ARSB: variants seen among roughly 807,000 people sequenced by gnomAD.
The protein encoded by ARSB is arylsulfatase B.
In ARSB, 41 loss-of-function variants were observed where a neutral mutation model predicts 50.9. The observed-to-expected ratio is 0.81, with a 90% confidence interval of 0.63 to 1.04. The LOEUF (loss-of-function observed/expected upper bound fraction) is 1.04. Among genes scored for constraint, ARSB ranks in the 50% least tolerant of loss-of-function variants. The probability of loss-of-function intolerance (pLI) is 0.00; values close to 1 mark genes in which losing one functional copy is unlikely to be tolerated. For synonymous variants in ARSB, 269 were observed against 284.8 expected, an observed-to-expected ratio of 0.94 and a Z score of 0.56; for missense variants, 672 against 693.3, an observed-to-expected ratio of 0.97 and a Z score of 0.35.
chr5:78,837,670 A>C (rs1745010130), intron 6 of ARSB, among the ~76,000 whole-genome samples: 1 of 152,240 alleles, frequency 6.6e-6, no homozygotes, highest in East Asian at 1.9e-4. Context: ...TCCTTTCAAC[A>C]AATAATAAAT....
At chr5:78,967,812 A>G (rs1752268146) in intron 2 of ARSB, among the ~76,000 whole-genome samples, 1 of 152,140 alleles carries the variant, frequency 6.6e-6, no homozygotes, top group South Asian at 2.1e-4. Context: ...TCCTGTTTAA[A>G]CTTTCTATGT....
chr5:78,900,548 T>C (rs1042672754), intron 4 of ARSB, among the ~76,000 whole-genome samples: 1 of 152,190 alleles, frequency 6.6e-6, no homozygotes, highest in African/African-American at 2.4e-5. Flanking sequence ...TCCAATCATA[T>C]GCTCAAGGTT....
chr5:78,838,705 G>A (rs1459374844), intron 6 of ARSB, among the ~76,000 whole-genome samples: 1 of 152,224 alleles, frequency 6.6e-6, no homozygotes, highest in Non-Finnish European at 1.5e-5. Flanking sequence ...TCACTATGCT[G>A]AGGGCATTAG....
chr5:78,983,266 C>T (rs1752995853), intron 1 of ARSB, among the ~76,000 whole-genome samples: 1 of 152,106 alleles, frequency 6.6e-6, no homozygotes, highest in Non-Finnish European at 1.5e-5. Context: ...GTTGGTCAGG[C>T]TGGTCTCGAA....
At chr5:78,872,494 T>G (rs376979285) in intron 5 of ARSB, among the ~76,000 whole-genome samples, 24,991 of 126,274 alleles carry the variant, frequency 0.2, 2,720 homozygotes, top group Admixed American at 0.26. Context: ...CCATAAAAAA[T>G]GATGAGTTCA....
chr5:78,903,961 A>G (rs1044491367), intron 4 of ARSB, among the ~76,000 whole-genome samples: 1 of 152,244 alleles, frequency 6.6e-6, no homozygotes, highest in African/African-American at 2.4e-5. Context: ...ACATTCTATC[A>G]CTGTGATATA....
At chr5:78,863,925 G>A (rs1046369662) in intron 5 of ARSB, among the ~76,000 whole-genome samples, 10 of 151,800 alleles carry the variant, frequency 6.6e-5, no homozygotes, top group African/African-American at 2.4e-4. Flanking sequence ...TGAATTTTTA[G>A]ATTTTCATAG....
At chr5:78,881,155 C>A (rs1463695892) in intron 5 of ARSB, among the ~76,000 whole-genome samples, 1 of 151,880 alleles carries the variant, frequency 6.6e-6, no homozygotes, top group East Asian at 1.9e-4. Context: ...CCGCTTGAAC[C>A]CAGGAGGCAG....
chr5:78,897,124 G>A (rs1289323820), intron 4 of ARSB, among the ~76,000 whole-genome samples: 1 of 151,986 alleles, frequency 6.6e-6, no homozygotes, highest in Admixed American at 6.6e-5. Context: ...TTAAAACCAC[G>A]CAAAAAATAC....
chr5:78,848,786 A>G (rs1171160048), intron 5 of ARSB, among the ~76,000 whole-genome samples: 1 of 152,084 alleles, frequency 6.6e-6, no homozygotes, highest in East Asian at 1.9e-4. Context: ...ACGGTATCTC[A>G]TTGTGGTTTT....
At chr5:78,849,257 G>A (rs1288870448) in intron 5 of ARSB, among the ~76,000 whole-genome samples, 1 of 152,024 alleles carries the variant, frequency 6.6e-6, no homozygotes, top group South Asian at 2.1e-4. Flanking sequence ...GTGTAAGGAA[G>A]GGATCCAGTT....
intron 5 of ARSB, among the ~76,000 whole-genome samples, chr5:78,859,550 T>C (rs1361320764): frequency 2.0e-5 from 3 of 152,094 alleles, no homozygotes; most frequent in Admixed American, 1.3e-4. Flanking sequence ...GAGAAGACCA[T>C]ATGCCAAAGT....
intron 3 of ARSB, among the ~76,000 whole-genome samples, chr5:78,959,447 A>T (rs957157337): frequency 1.8e-4 from 28 of 152,024 alleles, no homozygotes; most frequent in African/African-American, 6.3e-4. Context: ...GAAATCCCAA[A>T]CTTCTACACT....
At chr5:78,922,108 A>T (rs925156429) in intron 4 of ARSB, among the ~76,000 whole-genome samples, 3 of 151,354 alleles carry the variant, frequency 2.0e-5, no homozygotes, top group Admixed American at 2.0e-4. Context: ...GTGCTCTGGG[A>T]TTCTAAATAA....
In ARSB at chr5:78,808,403, T is replaced by C. The variant is rs527773120; in HGVS notation, c.1214-26429A>G. On this transcript the variant is annotated intron_variant, in intron 6 of 7. Transcript: ENST00000264914. ...ATGTGCAAAGATGAGCAATGTTTCC[T>C]AGAACATTCACAATAATTCCCTAAT... Among the ~76,000 whole-genome samples the C allele has an allele frequency of 9.2e-5, 14 of 152,336 alleles. No homozygotes were observed. In the South Asian group the frequency reaches 2.9e-3, roughly 32 times the overall value.
intron 2 of ARSB, 81 bp downstream of exon 2, chr5:78,968,925 C>G (rs1226043150): frequency 3.4e-6 from 5 of 1,474,448 alleles, no homozygotes; most frequent in Non-Finnish European, 4.7e-6. Context: ...CCAGTTCTTT[C>G]ATTTGATTGC....
chr5:78,870,758 A>C (rs1176607251), intron 5 of ARSB, among the ~76,000 whole-genome samples: 1 of 150,548 alleles, frequency 6.6e-6, no homozygotes, highest in Non-Finnish European at 1.5e-5. Flanking sequence ...CTGGCACAAG[A>C]CAGGGATGCC....
At chr5:78,795,612 C>T (rs190499344) in intron 6 of ARSB, among the ~76,000 whole-genome samples, 36 of 152,330 alleles carry the variant, frequency 2.4e-4, no homozygotes, top group Non-Finnish European at 4.0e-4. Flanking sequence ...ACCCTCACTA[C>T]TTACTTAGAA....
chr5:78,896,832 T>C lies in ARSB; in HGVS notation c.899-11005A>G, dbSNP rs55900714. Among the ~76,000 whole-genome samples, 875 of 152,264 alleles carry C rather than the reference T, an allele frequency of 5.7e-3. 11 individuals carry two copies. The highest frequency in any genetic ancestry group is 0.021 in the African/African-American group (855 of 41,536). On this transcript the variant is annotated intron_variant, in intron 4 of 7. Transcript: ENST00000264914. ...AATATTTTGTGATGCTCCTTTGTCC[T>C]GAAATGGAATTTATATACAATACTG...
Sources: gnomAD v4.1 joint callset for allele counts (sites outside exome capture counted in the v4.1 genomes callset) on GRCh38, gnomAD v4.1.1 for gene constraint, MANE v1.5 for transcripts, NCBI Gene and HGNC (gene_info 2026-07-23, HGNC 2026-07-21) for gene names.